MN1: variants seen among roughly 807,000 people sequenced by gnomAD.
MN1 encodes MN1 proto-oncogene, transcriptional regulator.
In MN1, 19 loss-of-function variants were observed where a neutral mutation model predicts 86.9. That is an observed-to-expected ratio of 0.22 (90% CI 0.15 to 0.32). The LOEUF (loss-of-function observed/expected upper bound fraction) is 0.32. MN1 is among the 10% of genes least tolerant of loss of function. MN1 has a pLI of 1.00. For missense variants in MN1, 1,841 were observed against 1,862.0 expected (o/e 0.99, Z 0.21); for synonymous variants, 928 against 849.6 (o/e 1.09, Z -1.60).
rs1933420088 is a variant in MN1, at chr22:27,800,693, T to C, written c.-150A>G. On this transcript the variant is annotated 5_prime_UTR_variant, in exon 1 of 2. Coordinates refer to ENST00000302326, the MANE Select transcript of MN1 (RefSeq NM_002430.3). ...CAGCGCGCACCTCCACCCCGCCTGATGTGAGGGACGGGGGGCGGGGTATTA... is the reference window on the plus strand; with the variant it reads ...CAGCGCGCACCTCCACCCCGCCTGACGTGAGGGACGGGGGGCGGGGTATTA... 1 of 938,382 alleles carries C rather than the reference T, an allele frequency of 1.1e-6. No individual in the cohort carries two copies. 58.1% of individuals were successfully genotyped at this position (938,382 alleles called of 1,614,324 possible).
Position 27,798,381 on chromosome 22 carries a change from G to A in MN1, c.2163C>T (p.Leu721=). The change falls in exon 1 of 2, where the codon CTC becomes CTT. Residue 721 remains leucine, a synonymous_variant. Transcript: ENST00000302326. Reference sequence around the variant, plus strand: ...GCCGGCGCTCCGAAGCAGCGCTGGGGAGCCCCACGCCCGCCCCGGGCGACT... The same window carrying A: ...GCCGGCGCTCCGAAGCAGCGCTGGGAAGCCCCACGCCCGCCCCGGGCGACT... ...QLQSPGAGVG[L]PSAASERRPP... 6.6e-7 allele frequency: 1 copy of A among 1,503,888 alleles called. No homozygotes were observed. The highest frequency in any genetic ancestry group is 2.6e-5 in the East Asian group (1 of 39,124). The allele number at this position is 1,503,888 out of a possible 1,614,324, so 93.2% of individuals were successfully genotyped here. A position where few individuals can be genotyped will look rare whatever the true frequency, so the allele number is the denominator to read the frequency against.
Position 27,799,921 on chromosome 22 carries a change from G to A in MN1, c.623C>T (p.Ser208Phe). 6.2e-7 allele frequency: 1 copy of A among 1,603,508 alleles called. No individual in the cohort carries two copies. The highest frequency in any genetic ancestry group is 1.7e-4 in the Middle Eastern group (1 of 6,048). Reference sequence around the variant, plus strand: ...ACTGTGGGAATCGGAGCCGCTGGAGGACGGCAGGCCGTGGAAGGAGGCGGC... The same window carrying A: ...ACTGTGGGAATCGGAGCCGCTGGAGAACGGCAGGCCGTGGAAGGAGGCGGC... ...NRAASFHGLPSSSGSDSHSLE... is the reference protein window; with the variant it reads ...NRAASFHGLPFSSGSDSHSLE... Residue 208 changes from serine to phenylalanine, a missense_variant, in exon 1 of 2, where the codon TCC (serine) becomes TTC (phenylalanine). Transcript: ENST00000302326.
At chr22:27,796,650 G>T in intron 1 of MN1, 113 bp downstream of exon 1, 1 of 1,092,522 alleles carries the variant, frequency 9.2e-7, no homozygotes, top group Non-Finnish European at 1.3e-6. Context: ...TTGGGGATTA[G>T]GAGGGTTTGT....
chr22:27,759,606 G>A (rs1932821680), intron 1 of MN1, among the ~76,000 whole-genome samples: 1 of 152,128 alleles, frequency 6.6e-6, no homozygotes, highest in South Asian at 2.1e-4. Flanking sequence ...GGGTCCACTT[G>A]CTGAGCCTCA....
chr22:27,760,370 A>G (rs1932826819), intron 1 of MN1, among the ~76,000 whole-genome samples: 1 of 151,822 alleles, frequency 6.6e-6, no homozygotes, highest in Non-Finnish European at 1.5e-5. Context: ...TTAACCAGAC[A>G]TGGTGGTGCA....
chr22:27,759,240 C>T (rs1029431338), intron 1 of MN1, among the ~76,000 whole-genome samples: 6 of 152,108 alleles, frequency 3.9e-5, no homozygotes, highest in East Asian at 1.9e-4. Flanking sequence ...AACCCGTCTG[C>T]GGGGCCCCAC....
chr22:27,784,446 A>G (rs6519728), intron 1 of MN1, among the ~76,000 whole-genome samples: 1,910 of 152,332 alleles, frequency 0.013, 46 homozygotes, highest in African/African-American at 0.043. Context: ...CAAAAATCTC[A>G]GACGCAGAGG....
chr22:27,767,035 C>T (rs929243611), intron 1 of MN1, among the ~76,000 whole-genome samples: 18 of 152,162 alleles, frequency 1.2e-4, no homozygotes, highest in African/African-American at 4.1e-4. Flanking sequence ...CACACCAACC[C>T]TAATTGTGCT....
intron 1 of MN1, among the ~76,000 whole-genome samples, chr22:27,782,221 GAGA>G (rs1192724845): frequency 1.3e-5 from 2 of 152,176 alleles, no homozygotes; most frequent in African/African-American, 4.8e-5. Flanking sequence ...CCCGAACAAG[GAGA>G]AGGTCTGCAC....
intron 1 of MN1, among the ~76,000 whole-genome samples, chr22:27,794,885 G>A (rs747533625): frequency 1.3e-5 from 2 of 151,540 alleles, no homozygotes; most frequent in Non-Finnish European, 2.9e-5. Flanking sequence ...GGAGTGGGAG[G>A]GGAGGATGAG....
At chr22:27,755,259 C>T (rs527372185) in intron 1 of MN1, among the ~76,000 whole-genome samples, 5 of 152,152 alleles carry the variant, frequency 3.3e-5, no homozygotes, top group Non-Finnish European at 7.4e-5. Context: ...CTGCTGAGCC[C>T]GGCTAAGAGC....
At position 27,750,962 on chromosome 22, in the gene MN1, A is replaced by G; in HGVS notation, c.3916T>C (p.Ser1306Pro). Reference sequence around the variant, plus strand: ...GTCCCAAATCTGTTGGAGATGTCAGAATGCAGGGACCGCCAGGTGGGCACG... The same window carrying G: ...GTCCCAAATCTGTTGGAGATGTCAGGATGCAGGGACCGCCAGGTGGGCACG... ...ASVPTWRSLH[S>P]DISNRFGTFV... Residue 1306 changes from serine (S) to proline (P), a missense_variant, in exon 2 of 2, where the codon TCT (serine) becomes CCT (proline). Coordinates refer to ENST00000302326, the MANE Select transcript of MN1 (RefSeq NM_002430.3). The G allele has an allele frequency of 1.9e-6, 3 of 1,612,158 alleles. No individual in the cohort carries two copies. The highest frequency in any genetic ancestry group is 2.5e-6 in the Non-Finnish European group (3 of 1,178,944).
chr22:27,796,823 C>G lies in MN1; in HGVS notation c.3721G>C (p.Asp1241His). The change falls in exon 1 of 2, where the codon GAC (aspartate) becomes CAC (histidine). Residue 1241 changes from aspartate (D) to histidine (H), a missense_variant. Asp to His is a moderately conservative substitution (Grantham distance 81). Transcript: ENST00000302326. ...TCCCAGGGCGCCAACGTCTTGTCGTCGTCCGCGCTGTCCACCAGGGCCTTG... is the reference window on the plus strand; with the variant it reads ...TCCCAGGGCGCCAACGTCTTGTCGTGGTCCGCGCTGTCCACCAGGGCCTTG... Reference protein sequence around the residue: ...ADKALVDSADDDKTLAPWEKA... With the variant: ...ADKALVDSADHDKTLAPWEKA... 1 of 1,611,528 alleles carries G rather than the reference C, an allele frequency of 6.2e-7. No homozygotes were observed. Among genetic ancestry groups the G allele is most frequent in the Non-Finnish European group, 8.5e-7 (1 of 1,179,914 alleles).
At position 27,799,705 on chromosome 22, in the gene MN1, G is replaced by A. The variant is rs867278977; in HGVS notation, c.839C>T (p.Ala280Val). ...CATTTTGGACAAGCCCACCATGCCCGCAGCTCTGGGCATGGCCGAGGCGCC... is the reference window on the plus strand; with the variant it reads ...CATTTTGGACAAGCCCACCATGCCCACAGCTCTGGGCATGGCCGAGGCGCC... Reference protein sequence around the residue: ...FPGASAMPRAAGMVGLSKMHA... With the variant: ...FPGASAMPRAVGMVGLSKMHA... Residue 280 changes from alanine (A) to valine (V), a missense_variant, in exon 1 of 2, where the codon GCG becomes GTG. Physicochemically the swap from Ala to Val is moderately conservative, Grantham distance 64. Transcript: ENST00000302326. The A allele has an allele frequency of 6.4e-7, 1 of 1,563,028 alleles. No homozygotes were observed. Among genetic ancestry groups the A allele is most frequent in the South Asian group, 1.2e-5 (1 of 85,204 alleles).
rs758005567 is a variant in MN1, at chr22:27,749,021, G to A, written c.*1894C>T. 1.7e-4 allele frequency: 39 copies of A among 231,230 alleles called. No homozygotes were observed. Among genetic ancestry groups the A allele is most frequent in the African/African-American group, 4.2e-4 (19 of 45,324 alleles). 14.3% of individuals were successfully genotyped at this position (231,230 alleles called of 1,614,324 possible). A position where few individuals can be genotyped will look rare whatever the true frequency, so the allele number is the denominator to read the frequency against. ...CTTTCCATTCCTTTTGTAGCAGAAC[G>A]CAGGAACTGCCTCGGCTCACACCTT... On this transcript the variant is annotated 3_prime_UTR_variant, in exon 2 of 2. Coordinates refer to ENST00000302326, the MANE Select transcript of MN1 (RefSeq NM_002430.3).
At chr22:27,753,302 G>A (rs1043270997) in intron 1 of MN1, among the ~76,000 whole-genome samples, 12 of 152,198 alleles carry the variant, frequency 7.9e-5, no homozygotes, top group Non-Finnish European at 7.3e-5. Context: ...GTGTCTCTTT[G>A]TGACCAAAGC....
At chr22:27,770,983 T>C (rs1203980765) in intron 1 of MN1, among the ~76,000 whole-genome samples, 4 of 152,040 alleles carry the variant, frequency 2.6e-5, no homozygotes, top group African/African-American at 7.2e-5. Flanking sequence ...CTCTTAAATA[T>C]GCCCATAAAA....
At position 27,800,197 on chromosome 22, in the gene MN1, C is replaced by A; in HGVS notation, c.347G>T (p.Gly116Val). The change falls in exon 1 of 2, where the codon GGC becomes GTC. Residue 116 changes from glycine to valine, a missense_variant. Coordinates refer to ENST00000302326, the MANE Select transcript of MN1 (RefSeq NM_002430.3). ...CCCGGGGTCCGGGCCACCGAAGTTGCCCCCAAAGTGGGGGTGATGCTGGTG... is the reference window on the plus strand; with the variant it reads ...CCCGGGGTCCGGGCCACCGAAGTTGACCCCAAAGTGGGGGTGATGCTGGTG... ...HPHQHHPHFG[G>V]NFGGPDPGAS... 1 of 1,555,756 alleles carries A rather than the reference C, an allele frequency of 6.4e-7. No homozygotes were observed. Among genetic ancestry groups the A allele is most frequent in the Non-Finnish European group, 8.7e-7 (1 of 1,154,118 alleles).
chr22:27,750,608 T>G lies in MN1; in HGVS notation c.*307A>C. 3.6e-6 allele frequency: 1 copy of G among 274,914 alleles called. No individual in the cohort carries two copies. The highest frequency in any genetic ancestry group is 6.8e-6 in the Non-Finnish European group (1 of 146,992). 17.0% of individuals were successfully genotyped at this position (274,914 alleles called of 1,614,324 possible). On this transcript the variant is annotated 3_prime_UTR_variant, in exon 2 of 2. Coordinates refer to ENST00000302326, the MANE Select transcript of MN1 (RefSeq NM_002430.3). The stretch of plus-strand genomic sequence containing the variant: ...AATGTATGCCAAGATTACCGAAACA[T>G]GGGGAGTATCTAGAGGAAAAAGGCT...
Sources: gnomAD v4.1 joint callset for allele counts (sites outside exome capture counted in the v4.1 genomes callset) on GRCh38, gnomAD v4.1.1 for gene constraint, MANE v1.5 for transcripts, NCBI Gene and HGNC (gene_info 2026-07-23, HGNC 2026-07-21) for gene names.